The following AGAP1 variants were observed in gnomAD, a reference collection of about 807,000 sequenced individuals.
The protein encoded by AGAP1 is ArfGAP with GTPase domain, ankyrin repeat and PH domain 1.
Under a neutral mutation model 105.3 loss-of-function variants are expected in AGAP1, and 29 were observed. The observed-to-expected ratio is 0.28, with a 90% CI of 0.21 to 0.38. The LOEUF is 0.38. Among genes scored for constraint, AGAP1 ranks in the 10% least tolerant of loss-of-function variants. AGAP1 has a pLI of 1.00. For synonymous variants in AGAP1, 509 were observed against 485.9 expected, an observed-to-expected ratio of 1.05 and a Z score of -0.63; for missense variants, 998 against 1,165.1, an observed-to-expected ratio of 0.86 and a Z score of 2.09.
intron 8 of AGAP1, among the ~76,000 whole-genome samples, chr2:235,806,911 G>A (rs569091659): frequency 6.6e-5 from 10 of 152,300 alleles, no homozygotes; most frequent in African/African-American, 2.4e-4. Flanking sequence ...TGTGTGAACT[G>A]CAGCTTTCAA....
At chr2:235,512,094 T>TGTGTGA (rs1375433132) in intron 1 of AGAP1, among the ~76,000 whole-genome samples, 1 of 68,084 alleles carries the variant, frequency 1.5e-5, no homozygotes, top group African/African-American at 8.0e-5. Flanking sequence ...TGTGAATGTG[T>TGTGTGA]GTGTGTGTGA....
chr2:236,026,130 C>T (rs536246244), intron 13 of AGAP1, among the ~76,000 whole-genome samples: 19 of 152,362 alleles, frequency 1.2e-4, no homozygotes, highest in Non-Finnish European at 2.6e-4. Flanking sequence ...TGCACCTGCA[C>T]CTGTGGGCCA....
intron 1 of AGAP1, among the ~76,000 whole-genome samples, chr2:235,498,392 C>T (rs969009227): frequency 2.0e-5 from 3 of 151,794 alleles, no homozygotes; most frequent in African/African-American, 7.3e-5. Context: ...CTGGGATGTC[C>T]TATGGGGCAT....
chr2:235,966,588 C>G (rs1009344890), intron 12 of AGAP1, among the ~76,000 whole-genome samples: 1 of 152,152 alleles, frequency 6.6e-6, no homozygotes, highest in African/African-American at 2.4e-5. Flanking sequence ...TTTCTCGCAA[C>G]TCCTTAAAGT....
Position 235,716,662 on chromosome 2 carries a change from CAGG to C in AGAP1, c.223-892_223-890del, listed in dbSNP as rs1355472634. On this transcript the variant is annotated intron_variant, in intron 2 of 17. Coordinates refer to ENST00000304032, the MANE Select transcript of AGAP1 (RefSeq NM_001037131.3). The surrounding 1 kb of genome is among the most constrained non-coding windows in gnomAD (Gnocchi z 4.0). ...AGTGGGGGAGGAAAAGGTTAAAATG[CAGG>C]AGATTTTTGATGAGCAGCTTCCCAG... Among the ~76,000 whole-genome samples the C allele has an allele frequency of 6.6e-6, 1 of 152,054 alleles. No individual in the cohort carries two copies. Among genetic ancestry groups the C allele is most frequent in the African/African-American group, 2.4e-5 (1 of 41,378 alleles).
chr2:235,630,975 G>A (rs1022897865), intron 1 of AGAP1, among the ~76,000 whole-genome samples: 4 of 152,200 alleles, frequency 2.6e-5, no homozygotes, highest in Admixed American at 6.5e-5. Context: ...GGCAGATTGC[G>A]GAAGCATATT....
chr2:236,100,044 A>G (rs2059306855), intron 16 of AGAP1, among the ~76,000 whole-genome samples: 1 of 152,106 alleles, frequency 6.6e-6, no homozygotes, highest in Non-Finnish European at 1.5e-5. Flanking sequence ...CATCTCAAAA[A>G]ACAATAAAAA....
rs1269016116 is a variant in AGAP1, at chr2:235,965,302, C to T, written c.1484-3160C>T. ...GTTGGTGTCATGCACATGGAGAATGCCCCTGTGGACGTAGGGAGGAGAGGC... is the reference window on the plus strand; with the variant it reads ...GTTGGTGTCATGCACATGGAGAATGTCCCTGTGGACGTAGGGAGGAGAGGC... On this transcript the variant is annotated intron_variant, in intron 12 of 17. Transcript: ENST00000304032. This position sits in a 1 kb window ranked among gnomAD's most constrained non-coding sequence, Gnocchi z 5.8. Among the ~76,000 whole-genome samples, 2 of 152,158 alleles carry T rather than the reference C, an allele frequency of 1.3e-5. No individual in the cohort carries two copies. Among genetic ancestry groups the T allele is most frequent in the Admixed American group, 1.3e-4 (2 of 15,272 alleles).
At chr2:235,541,003 AT>A (rs759255785) in intron 1 of AGAP1, among the ~76,000 whole-genome samples, 10 of 152,170 alleles carry the variant, frequency 6.6e-5, no homozygotes, top group Non-Finnish European at 1.2e-4. Flanking sequence ...TACAAGTAAT[AT>A]TTGCTTATAG....
rs1221664169 is a variant in AGAP1, at chr2:235,660,537, T to C, written c.164-48642T>C. Among the ~76,000 whole-genome samples the C allele has an allele frequency of 6.6e-6, 1 of 151,786 alleles. No homozygotes were observed. The highest frequency in any genetic ancestry group is 1.9e-4 in the East Asian group (1 of 5,144). ...GGAAGAGTGCCCAGGTGTGCACAGG[T>C]GTGCCCAGGTATGAGGGGAGAAGAA... On this transcript the variant is annotated intron_variant, in intron 1 of 17. Transcript: ENST00000304032. The surrounding 1 kb of genome is among the most constrained non-coding windows in gnomAD (Gnocchi z 5.3).
Position 235,744,408 on chromosome 2 carries a change from C to A in AGAP1, c.397-290C>A, listed in dbSNP as rs1952772780. Among the ~76,000 whole-genome samples the A allele has an allele frequency of 1.3e-5, 2 of 152,144 alleles. No homozygotes were observed. Among genetic ancestry groups the A allele is most frequent in the African/African-American group, 4.8e-5 (2 of 41,424 alleles). On this transcript the variant is annotated intron_variant, in intron 4 of 17. Coordinates refer to ENST00000304032, the MANE Select transcript of AGAP1 (RefSeq NM_001037131.3). The surrounding 1 kb of genome is among the most constrained non-coding windows in gnomAD (Gnocchi z 5.2). The stretch of plus-strand genomic sequence containing the variant: ...GGGCAGCGGGCGGACAGGCCAGGAG[C>A]ATGAGGACCGCGGGGACACTGTGTG...
Position 235,960,301 on chromosome 2 carries a change from G to C in AGAP1, c.1484-8161G>C, listed in dbSNP as rs2054127167. Among the ~76,000 whole-genome samples the C allele has an allele frequency of 6.6e-6, 1 of 152,182 alleles. No homozygotes were observed. ...CCTGGCTTTCTGTTTCCATTCTTGA[G>C]ATTGCAGTTGTTTTTATCCCATGAC... On this transcript the variant is annotated intron_variant, in intron 12 of 17. Coordinates refer to ENST00000304032, the MANE Select transcript of AGAP1 (RefSeq NM_001037131.3). This position sits in a 1 kb window ranked among gnomAD's most constrained non-coding sequence, Gnocchi z 4.9.
Position 235,931,746 on chromosome 2 carries a change from C to T in AGAP1, c.1483+823C>T, listed in dbSNP as rs1382182733. 6.6e-6 allele frequency among the ~76,000 whole-genome samples: 1 copy of T among 152,054 alleles called. No homozygotes were observed. Among genetic ancestry groups the T allele is most frequent in the Non-Finnish European group, 1.5e-5 (1 of 68,032 alleles). The stretch of plus-strand genomic sequence containing the variant: ...ACCAGCTGCTGCAGCAGGACGTTTG[C>T]TTTGGGTAAACATCATCCTTATTTC... On this transcript the variant is annotated intron_variant, in intron 12 of 17. Coordinates refer to ENST00000304032, the MANE Select transcript of AGAP1 (RefSeq NM_001037131.3). This position sits in a 1 kb window ranked among gnomAD's most constrained non-coding sequence, Gnocchi z 5.6.
rs140580993 is a variant in AGAP1, at chr2:235,700,801, GTCTC to G, written c.164-8362_164-8359del. Among the ~76,000 whole-genome samples the G allele has an allele frequency of 5.3e-4, 78 of 147,436 alleles. No homozygotes were observed. The South Asian group carries it at 6.6e-3, about 13-fold the overall frequency. On this transcript the variant is annotated intron_variant, in intron 1 of 17. Transcript: ENST00000304032. This position sits in a 1 kb window ranked among gnomAD's most constrained non-coding sequence, Gnocchi z 6.1. ...GGCGACAAAGCGAGAATCTGTCTCT[GTCTC>G]TCTCTCTCTCTCTCTGTGTATATAT...
intron 1 of AGAP1, among the ~76,000 whole-genome samples, chr2:235,501,546 C>T (rs10189849): frequency 0.047 from 7,187 of 152,200 alleles, 565 homozygotes; most frequent in African/African-American, 0.16. Flanking sequence ...GTGGGGGCAG[C>T]TGCAGGAACC....
At chr2:236,047,061 T>C (rs2057741547) in intron 15 of AGAP1, among the ~76,000 whole-genome samples, 1 of 151,954 alleles carries the variant, frequency 6.6e-6, no homozygotes, top group Non-Finnish European at 1.5e-5. Context: ...CCTAGGAGTT[T>C]GAGGCTGCAG....
At position 235,621,160 on chromosome 2, in the gene AGAP1, T is replaced by C. The variant is rs1412914005; in HGVS notation, c.164-88019T>C. On this transcript the variant is annotated intron_variant, in intron 1 of 17. Transcript: ENST00000304032. The surrounding 1 kb of genome is among the most constrained non-coding windows in gnomAD (Gnocchi z 4.1). ...CCTTGGCCTCCGGAGGAGCTGAGAC[T>C]ACAGGCGCCCGCCACCACACCCGGC... Among the ~76,000 whole-genome samples, 1 of 152,154 alleles carries C rather than the reference T, an allele frequency of 6.6e-6. No homozygotes were observed.
Position 235,958,906 on chromosome 2 carries a change from G to A in AGAP1, c.1484-9556G>A, listed in dbSNP as rs1204438453. 6.6e-6 allele frequency among the ~76,000 whole-genome samples: 1 copy of A among 152,208 alleles called. No homozygotes were observed. Among genetic ancestry groups the A allele is most frequent in the Non-Finnish European group, 1.5e-5 (1 of 68,048 alleles). Reference sequence around the variant, plus strand: ...TACTTCACGTTCCGAAGCTCGGAGAGACTGCAGATTGTGATCATTATTGCT... The same window carrying A: ...TACTTCACGTTCCGAAGCTCGGAGAAACTGCAGATTGTGATCATTATTGCT... On this transcript the variant is annotated intron_variant, in intron 12 of 17. Transcript: ENST00000304032. The surrounding 1 kb of genome is among the most constrained non-coding windows in gnomAD (Gnocchi z 4.1).
rs2055120370 is a variant in AGAP1 at position 235,981,996 on chromosome 2, C to A, written c.1645+13373C>A. Among the ~76,000 whole-genome samples, 1 of 152,146 alleles carries A rather than the reference C, an allele frequency of 6.6e-6. No individual in the cohort carries two copies. The highest frequency in any genetic ancestry group is 2.4e-5 in the African/African-American group (1 of 41,438). On this transcript the variant is annotated intron_variant, in intron 13 of 17. Coordinates refer to ENST00000304032, the MANE Select transcript of AGAP1 (RefSeq NM_001037131.3). This position sits in a 1 kb window ranked among gnomAD's most constrained non-coding sequence, Gnocchi z 5.5. The stretch of plus-strand genomic sequence containing the variant: ...ATTATGGGTTATCTGAAGAGTGTTT[C>A]TTAATTTTAATAAGTTAATATTCCA...
Sources: gnomAD v4.1 joint callset for allele counts (sites outside exome capture counted in the v4.1 genomes callset) on GRCh38, gnomAD v4.1.1 for gene constraint, Gnocchi (gnomAD v3.1) non-coding constraint, MANE v1.5 for transcripts, NCBI Gene and HGNC (gene_info 2026-07-23, HGNC 2026-07-21) for gene names.